ERG: variants seen among roughly 807,000 people sequenced by gnomAD.
ERG encodes the protein transcriptional regulator ERG.
A neutral mutation model predicts 55.3 loss-of-function variants in ERG; 9 were observed. The ratio of observed to expected loss-of-function variants is 0.16; its 90% CI spans 0.10 to 0.28. The LOEUF is 0.28. Ranked by LOEUF, ERG falls within the 10% of genes least tolerant of loss-of-function variation. The pLI is 1.00. For synonymous variants in ERG, 223 were observed against 237.3 expected, an observed-to-expected ratio of 0.94 and a Z score of 0.55; for missense variants, 434 against 631.6, an observed-to-expected ratio of 0.69 and a Z score of 3.35.
intron 2 of ERG, among the ~76,000 whole-genome samples, chr21:38,555,326 C>CAA (rs11443169): frequency 8.2e-4 from 113 of 138,384 alleles, no homozygotes; most frequent in Admixed American, 1.0e-3. Flanking sequence ...GACTCTGTCT[C>CAA]AAAAAAAAAA....
intron 9 of ERG, 94 bp from the exon 10 acceptor site, chr21:38,384,017 T>A (rs1987572793): frequency 1.4e-6 from 2 of 1,478,856 alleles, no homozygotes; most frequent in Non-Finnish European, 1.8e-6. Flanking sequence ...GCTATTGGTG[T>A]GCCGCCCACA....
At chr21:38,619,039 A>G (rs971859094) in intron 1 of ERG, among the ~76,000 whole-genome samples, 16 of 152,198 alleles carry the variant, frequency 1.1e-4, no homozygotes, top group African/African-American at 3.6e-4. Flanking sequence ...TGGGAAGACC[A>G]CTGAGTCTGT....
intron 2 of ERG, among the ~76,000 whole-genome samples, chr21:38,535,538 AC>A (rs1401746331): frequency 2.0e-5 from 3 of 151,596 alleles, no homozygotes; most frequent in Non-Finnish European, 2.9e-5. Context: ...TTTTCAAAAC[AC>A]CTTTATTTTT....
Position 38,384,174 on chromosome 21 carries a change from G to A in ERG, c.920-251C>T, listed in dbSNP as rs554506998. 1.1e-4 allele frequency among the ~76,000 whole-genome samples: 16 copies of A among 152,346 alleles called. No individual in the cohort carries two copies. In the South Asian group the frequency reaches 3.1e-3, roughly 30 times the overall value. ...CCCCCAGGTATCCCACAGCTGGGTGGACTGAACGGGGTACCACGGGCCGGC... is the reference window on the plus strand; with the variant it reads ...CCCCCAGGTATCCCACAGCTGGGTGAACTGAACGGGGTACCACGGGCCGGC... On this transcript the variant is annotated intron_variant, in intron 9 of 9. Coordinates refer to ENST00000288319, the MANE Select transcript of ERG (RefSeq NM_182918.4).
intron 1 of ERG, among the ~76,000 whole-genome samples, chr21:38,584,581 A>C (rs2060050967): frequency 6.6e-6 from 1 of 152,172 alleles, no homozygotes; most frequent in African/African-American, 2.4e-5. Flanking sequence ...AGAACTGAGA[A>C]GGCAGTAATT....
intron 3 of ERG, among the ~76,000 whole-genome samples, chr21:38,407,360 T>G (rs1163350856): frequency 6.6e-6 from 1 of 152,064 alleles, no homozygotes; most frequent in African/African-American, 2.4e-5. Context: ...ATGTTCAAAG[T>G]AGATTGCATT....
intron 2 of ERG, among the ~76,000 whole-genome samples, chr21:38,444,322 AG>A (rs1200035362): frequency 5.3e-5 from 8 of 152,152 alleles, no homozygotes; most frequent in Admixed American, 1.3e-4. Context: ...GCCTGATCAC[AG>A]GTTTCTTCAT....
In ERG at chr21:38,519,667, A is replaced by C. The variant is rs183985811; in HGVS notation, c.-41+55995T>G. On this transcript the variant is annotated intron_variant, in intron 2 of 8. Transcript: ENST00000398897. The stretch of plus-strand genomic sequence containing the variant: ...AGGATGGAGAATGAATTAGAGAAGT[A>C]AACAAAGAAAGTCGGCACATCTACT... Among the ~76,000 whole-genome samples the C allele has an allele frequency of 1.3e-3, 196 of 152,338 alleles. 1 individual carries two copies. The highest frequency in any genetic ancestry group is 4.5e-3 in the African/African-American group (189 of 41,572).
chr21:38,599,582 T>G (rs2060152291), intron 1 of ERG, among the ~76,000 whole-genome samples: 1 of 152,156 alleles, frequency 6.6e-6, no homozygotes, highest in Non-Finnish European at 1.5e-5. Context: ...GAGGAGTGGG[T>G]GTGCAAGCCT....
chr21:38,599,940 GTAGCAAAGCCACATGGAAATAGGA>G (rs2060154520), intron 1 of ERG, among the ~76,000 whole-genome samples: 1 of 152,242 alleles, frequency 6.6e-6, no homozygotes, highest in Non-Finnish European at 1.5e-5. Context: ...AGGTAAACCT[GTAGCAAAGCCACATGGAAATAGGA>G]TAGTGTCAAA....
At chr21:38,655,621 A>G (rs1391332783) in intron 1 of ERG, among the ~76,000 whole-genome samples, 1 of 152,202 alleles carries the variant, frequency 6.6e-6, no homozygotes. Flanking sequence ...ACGAACAACT[A>G]AAAAGAACCA....
At chr21:38,635,826 T>A (rs2060384844) in intron 1 of ERG, among the ~76,000 whole-genome samples, 1 of 152,168 alleles carries the variant, frequency 6.6e-6, no homozygotes, top group African/African-American at 2.4e-5. Context: ...CTAGCATGAC[T>A]CAGGTTGAAT....
chr21:38,514,594 T>C (rs1482189163), intron 2 of ERG, among the ~76,000 whole-genome samples: 1 of 151,996 alleles, frequency 6.6e-6, no homozygotes, highest in African/African-American at 2.4e-5. Context: ...TTATAAATCC[T>C]ACAAATTGAT....
chr21:38,437,841 A>G (rs2058805169), intron 2 of ERG, among the ~76,000 whole-genome samples: 1 of 152,054 alleles, frequency 6.6e-6, no homozygotes, highest in Non-Finnish European at 1.5e-5. Context: ...GATGTCTCCC[A>G]TCCTACACCC....
At chr21:38,412,517 C>A (rs563354379) in intron 3 of ERG, among the ~76,000 whole-genome samples, 5 of 152,122 alleles carry the variant, frequency 3.3e-5, no homozygotes. Flanking sequence ...TGTCATTTTA[C>A]AGCCATTTCT....
intron 1 of ERG, among the ~76,000 whole-genome samples, chr21:38,488,966 A>C (rs1351917330): frequency 2.6e-5 from 4 of 152,356 alleles, no homozygotes; most frequent in Admixed American, 2.6e-4. Flanking sequence ...TTCTCCTAGA[A>C]AATCTGGAGC....
intron 9 of ERG, among the ~76,000 whole-genome samples, chr21:38,389,611 G>A (rs975933610): frequency 2.0e-5 from 3 of 151,034 alleles, no homozygotes; most frequent in African/African-American, 7.3e-5. Context: ...GCTGAGAAGA[G>A]ACCACAGCCT....
chr21:38,400,472 C>A lies in ERG; in HGVS notation c.745+102G>T, dbSNP rs768988087. ...AGACTGTCTGGGACTGGCTTCAGCT[C>A]CGGGATCAGCTCTCTTTGTATCACG... On this transcript the variant is annotated intron_variant, in intron 6 of 9. Transcript: ENST00000288319. 5 of 932,508 alleles carry A rather than the reference C, an allele frequency of 5.4e-6. No homozygotes were observed. In the Admixed American group the frequency reaches 8.5e-5, roughly 16 times the overall value. The allele number at this position is 932,508 out of a possible 1,614,324, so 57.8% of individuals were successfully genotyped here. A position where few individuals can be genotyped will look rare whatever the true frequency, so the allele number is the denominator to read the frequency against.
chr21:38,636,838 T>C (rs751261749), intron 1 of ERG, among the ~76,000 whole-genome samples: 7 of 152,064 alleles, frequency 4.6e-5, no homozygotes, highest in Non-Finnish European at 5.9e-5. Context: ...TGCCTGGCTG[T>C]CCCCCTGCTT....
Sources: gnomAD v4.1 joint callset for allele counts (sites outside exome capture counted in the v4.1 genomes callset) on GRCh38, gnomAD v4.1.1 for gene constraint, MANE v1.5 for transcripts, NCBI Gene and HGNC (gene_info 2026-07-23, HGNC 2026-07-21) for gene names.